The following HS3ST2 variants were observed in gnomAD, a reference collection of about 807,000 sequenced individuals.
HS3ST2 encodes heparan sulfate-glucosamine 3-sulfotransferase 2.
HS3ST2 carries 17 observed loss-of-function variants against 26.3 expected under a neutral mutation model. The ratio of observed to expected loss-of-function variants is 0.65; its 90% CI spans 0.44 to 0.97. The LOEUF (loss-of-function observed/expected upper bound fraction) is 0.97. Among genes scored for constraint, HS3ST2 ranks in the 50% least tolerant of loss-of-function variants. HS3ST2 has a pLI of 0.00. For missense variants in HS3ST2, 402 were observed against 501.2 expected, an observed-to-expected ratio of 0.80 and a Z score of 1.89; for synonymous variants, 237 against 219.2, an observed-to-expected ratio of 1.08 and a Z score of -0.72.
intron 1 of HS3ST2, among the ~76,000 whole-genome samples, chr16:22,862,711 G>T (rs1027062343): frequency 5.3e-5 from 8 of 152,156 alleles, no homozygotes; most frequent in African/African-American, 1.9e-4. Flanking sequence ...GGTATTCAAG[G>T]CATGGCTGAT....
At chr16:22,835,930 T>C (rs1036416598) in intron 1 of HS3ST2, among the ~76,000 whole-genome samples, 5 of 151,816 alleles carry the variant, frequency 3.3e-5, no homozygotes, top group Non-Finnish European at 7.4e-5. Context: ...AACAAGGAAG[T>C]ATTTTGGAAA....
At chr16:22,883,772 C>G (rs1384081175) in intron 1 of HS3ST2, among the ~76,000 whole-genome samples, 1 of 152,168 alleles carries the variant, frequency 6.6e-6, no homozygotes, top group African/African-American at 2.4e-5. Context: ...TATTCCTCAT[C>G]AAGCTAGATT....
chr16:22,876,765 G>A (rs762590197), intron 1 of HS3ST2, among the ~76,000 whole-genome samples: 6 of 152,124 alleles, frequency 3.9e-5, no homozygotes, highest in Admixed American at 6.6e-5. Flanking sequence ...TAAAGAAAAC[G>A]TGGTATATAT....
intron 1 of HS3ST2, among the ~76,000 whole-genome samples, chr16:22,913,471 G>C (rs1336726188): frequency 6.6e-6 from 1 of 152,086 alleles, no homozygotes; most frequent in East Asian, 1.9e-4. Flanking sequence ...TTCTGTGCTT[G>C]TTCAAGCCTA....
At chr16:22,895,608 T>C (rs548067197) in intron 1 of HS3ST2, among the ~76,000 whole-genome samples, 1 of 152,316 alleles carries the variant, frequency 6.6e-6, no homozygotes, top group Admixed American at 6.5e-5. Flanking sequence ...CTCGTTGTTG[T>C]CATTTTGAAA....
intron 1 of HS3ST2, among the ~76,000 whole-genome samples, chr16:22,854,016 A>G (rs913266123): frequency 1.3e-5 from 2 of 152,088 alleles, no homozygotes; most frequent in African/African-American, 2.4e-5. Context: ...TGGTCTCACT[A>G]TTGTATTTTT....
In HS3ST2 at chr16:22,899,501, C is replaced by G. The variant is rs1902255218; in HGVS notation, c.486-15443C>G. Among the ~76,000 whole-genome samples, 8 of 152,256 alleles carry G rather than the reference C, an allele frequency of 5.3e-5. No individual in the cohort carries two copies. The South Asian group carries it at 1.7e-3, about 32-fold the overall frequency. On this transcript the variant is annotated intron_variant, in intron 1 of 1. Coordinates refer to ENST00000261374, the MANE Select transcript of HS3ST2 (RefSeq NM_006043.2). ...AAGGGAACGGTCTGAAATAGTCATG[C>G]AGAGCTAGAAAGCCAGTTGTCCAGA...
intron 1 of HS3ST2, among the ~76,000 whole-genome samples, chr16:22,884,526 G>GTCT (rs1357100053): frequency 3.3e-5 from 5 of 152,024 alleles, no homozygotes; most frequent in African/African-American, 1.2e-4. Flanking sequence ...TTCACATTCT[G>GTCT]TCTTCTTCTT....
chr16:22,902,206 T>G (rs1490943335), intron 1 of HS3ST2, among the ~76,000 whole-genome samples: 1 of 152,220 alleles, frequency 6.6e-6, no homozygotes, highest in Admixed American at 6.5e-5. Context: ...TATTTGTAGA[T>G]CCACCTCATT....
intron 1 of HS3ST2, among the ~76,000 whole-genome samples, chr16:22,909,805 C>A (rs759461373): frequency 2.0e-5 from 3 of 152,014 alleles, no homozygotes; most frequent in Non-Finnish European, 4.4e-5. Flanking sequence ...CTTTGAGAAG[C>A]CAAGGTGTGC....
intron 1 of HS3ST2, among the ~76,000 whole-genome samples, chr16:22,873,650 A>G (rs958146985): frequency 6.6e-6 from 1 of 152,208 alleles, no homozygotes; most frequent in Admixed American, 6.5e-5. Flanking sequence ...ACAGAACAAA[A>G]TCCATGTGTT....
At chr16:22,844,635 A>G (rs1050917426) in intron 1 of HS3ST2, among the ~76,000 whole-genome samples, 2 of 152,040 alleles carry the variant, frequency 1.3e-5, no homozygotes, top group African/African-American at 2.4e-5. Flanking sequence ...TGTTCTCGTG[A>G]TGGTGAGTGA....
intron 1 of HS3ST2, among the ~76,000 whole-genome samples, chr16:22,904,077 C>A (rs1474489813): frequency 6.6e-6 from 1 of 152,156 alleles, no homozygotes; most frequent in Non-Finnish European, 1.5e-5. Flanking sequence ...GGACACCCAG[C>A]TGCCCAGCAC....
chr16:22,848,852 A>G (rs1477196213), intron 1 of HS3ST2, among the ~76,000 whole-genome samples: 1 of 152,188 alleles, frequency 6.6e-6, no homozygotes, highest in Non-Finnish European at 1.5e-5. Flanking sequence ...CGTACCATGC[A>G]TGGTGGTGAT....
intron 1 of HS3ST2, among the ~76,000 whole-genome samples, chr16:22,905,091 C>A (rs945720296): frequency 6.6e-6 from 1 of 152,200 alleles, no homozygotes; most frequent in Non-Finnish European, 1.5e-5. Flanking sequence ...AGCTTGGTTG[C>A]CCAGTTAGAA....
At chr16:22,868,757 G>A (rs1206221583) in intron 1 of HS3ST2, among the ~76,000 whole-genome samples, 1 of 152,090 alleles carries the variant, frequency 6.6e-6, no homozygotes, top group African/African-American at 2.4e-5. Flanking sequence ...TGAGCTGGGG[G>A]CGCCTGTTTA....
At chr16:22,850,596 G>A (rs983525917) in intron 1 of HS3ST2, among the ~76,000 whole-genome samples, 2 of 152,094 alleles carry the variant, frequency 1.3e-5, no homozygotes, top group South Asian at 2.1e-4. Flanking sequence ...CGATCAGCCT[G>A]GCCAACATGG....
intron 1 of HS3ST2, among the ~76,000 whole-genome samples, chr16:22,897,143 C>A (rs1013544164): frequency 6.6e-6 from 1 of 152,206 alleles, no homozygotes; most frequent in Non-Finnish European, 1.5e-5. Flanking sequence ...CAACTCTTGT[C>A]CTTCTGCTCA....
chr16:22,816,793 A>C (rs1480754184), intron 1 of HS3ST2, among the ~76,000 whole-genome samples: 3 of 152,246 alleles, frequency 2.0e-5, no homozygotes, highest in African/African-American at 7.2e-5. Flanking sequence ...ATTCGAATGC[A>C]GGCCAGCATT....
Sources: allele counts gnomAD v4.1 joint callset (sites outside exome capture counted in the v4.1 genomes callset), GRCh38; gene constraint gnomAD v4.1.1; transcripts MANE v1.5; gene names NCBI Gene and HGNC (gene_info 2026-07-23, HGNC 2026-07-21).